The following HTN1 variants were observed in gnomAD, a reference collection of about 807,000 sequenced individuals.
HTN1 encodes the protein histatin-1.
HTN1 carries 18 observed loss-of-function variants against 11.2 expected under a neutral mutation model. The ratio of observed to expected loss-of-function variants is 1.61; its 90% CI spans 1.12 to 2.39. The LOEUF (loss-of-function observed/expected upper bound fraction) is 2.39, where lower values mean the gene tolerates loss of function less well. HTN1 is among the 30% of genes most tolerant of loss of function. HTN1 has a pLI of 0.00. For synonymous variants in HTN1, 21 were observed against 20.5 expected, an observed-to-expected ratio of 1.02 and a Z score of -0.07; for missense variants, 80 against 67.2, an observed-to-expected ratio of 1.19 and a Z score of -0.67.
chr4:70,057,924 T>C (rs1304535972), intron 5 of HTN1: 1 of 152,164 alleles, frequency 6.6e-6, no homozygotes, highest in Non-Finnish European at 1.5e-5. Flanking sequence ...GAATGACTAA[T>C]ATAACATCAA....
chr4:70,054,547 A>G (rs1725986140), intron 4 of HTN1, 97 bp downstream of exon 4: 4 of 795,062 alleles, frequency 5.0e-6, no homozygotes, highest in Admixed American at 5.5e-5. Flanking sequence ...AAATATATCT[A>G]TATCATTAAT....
In HTN1 at chr4:70,055,533, TG is replaced by T; in HGVS notation, c.142del (p.Asp48ThrfsTer19). On this transcript the variant is annotated frameshift_variant, in exon 5 of 6. Transcript: ENST00000246896. LOFTEE classifies it high-confidence loss of function. ...ATTCACATCGAGAATTTCCATTTTA[TG>T]GGGACTATGGATCAAATTATCTATA... ...HHSHREFPFY[G>X]DYGSNYLYDN is the part of the protein sequence containing the mutation. 1 of 1,598,524 alleles carries T rather than the reference TG, an allele frequency of 6.3e-7. No individual in the cohort carries two copies. Among genetic ancestry groups the T allele is most frequent in the Non-Finnish European group, 8.6e-7 (1 of 1,166,608 alleles).
chr4:70,051,475 C>T (rs1247707135), intron 1 of HTN1, among the ~76,000 whole-genome samples: 2 of 151,996 alleles, frequency 1.3e-5, no homozygotes, highest in Admixed American at 6.6e-5. Flanking sequence ...TATCTATGTT[C>T]GTTTATCTAT....
intron 2 of HTN1, 116 bp from the exon 3 acceptor site, chr4:70,054,206 A>G: frequency 1.6e-6 from 1 of 637,744 alleles, no homozygotes; most frequent in Non-Finnish European, 2.6e-6. Flanking sequence ...TCTGTCATCA[A>G]CCAAAGAATG....
chr4:70,052,836 C>T (rs1209632142), intron 1 of HTN1: 1 of 367,094 alleles, frequency 2.7e-6, no homozygotes, highest in Non-Finnish European at 5.0e-6. Flanking sequence ...GGCATGGTGG[C>T]ACACACTTGT....
intron 1 of HTN1, chr4:70,052,793 TAA>T (rs35058239): frequency 3.8e-3 from 832 of 216,414 alleles, no homozygotes; most frequent in Middle Eastern, 8.1e-3. Context: ...CATTCTCTAC[TAA>T]AAAAAAAAAA....
In HTN1 at chr4:70,058,675, G is replaced by C. The variant is rs911829463; in HGVS notation, c.*129G>C. On this transcript the variant is annotated 3_prime_UTR_variant, in exon 6 of 6. Coordinates refer to ENST00000246896, the MANE Select transcript of HTN1 (RefSeq NM_002159.4). Reference sequence around the variant, plus strand: ...TTTGAAGAATTATCATAAGGCAATGGAGAATAAAAGAAAGACCATGATTTA... The same window carrying C: ...TTTGAAGAATTATCATAAGGCAATGCAGAATAAAAGAAAGACCATGATTTA... 5.3e-5 allele frequency: 8 copies of C among 152,142 alleles called. 1 individual carries two copies. The highest frequency in any genetic ancestry group is 1.9e-4 in the African/African-American group (8 of 41,534). 9.4% of individuals were successfully genotyped at this position (152,142 alleles called of 1,614,324 possible).
intron 1 of HTN1, among the ~76,000 whole-genome samples, chr4:70,051,974 G>A (rs1460627812): frequency 3.3e-5 from 5 of 152,096 alleles, no homozygotes; most frequent in Admixed American, 6.6e-5. Context: ...CAATGGAAAT[G>A]CTTTTATTTA....
intron 1 of HTN1, among the ~76,000 whole-genome samples, chr4:70,051,868 A>C (rs1725901988): frequency 6.6e-6 from 1 of 152,168 alleles, no homozygotes; most frequent in African/African-American, 2.4e-5. Flanking sequence ...AGATTAGAAA[A>C]AAATTTTTAA....
rs1388581166 is a variant in HTN1 at position 70,050,489 on chromosome 4, G to A, written c.-20G>A. On this transcript the variant is annotated 5_prime_UTR_variant, in exon 1 of 6. Transcript: ENST00000246896. ...ACTGACTTCTTGACTCTCCTCTTGAGTAAAAGGTAATATGTTCAAGTACAA... is the reference window on the plus strand; with the variant it reads ...ACTGACTTCTTGACTCTCCTCTTGAATAAAAGGTAATATGTTCAAGTACAA... The A allele has an allele frequency of 2.0e-5, 3 of 152,114 alleles. No individual in the cohort carries two copies. Among genetic ancestry groups the A allele is most frequent in the African/African-American group, 7.2e-5 (3 of 41,424 alleles). 9.4% of individuals were successfully genotyped at this position (152,114 alleles called of 1,614,324 possible). A position where few individuals can be genotyped will look rare whatever the true frequency, so the allele number is the denominator to read the frequency against.
At chr4:70,056,256 T>G (rs1482693745) in intron 5 of HTN1, 1 of 151,944 alleles carries the variant, frequency 6.6e-6, no homozygotes, top group Admixed American at 6.6e-5. Flanking sequence ...CCATCTGATA[T>G]TCAACAAACC....
chr4:70,055,314 A>C (rs1394935659), intron 4 of HTN1, among the ~76,000 whole-genome samples, 184 bp from the exon 5 acceptor site: 1 of 152,082 alleles, frequency 6.6e-6, no homozygotes, highest in Non-Finnish European at 1.5e-5. Context: ...TATCATTTTT[A>C]CCTACTTTTA....
chr4:70,053,203 G>A (rs1725944721), intron 2 of HTN1, 76 bp downstream of exon 2: 4 of 947,068 alleles, frequency 4.2e-6, no homozygotes, highest in South Asian at 4.0e-5. Flanking sequence ...CTTGTGTTCT[G>A]GTATATACTC....
chr4:70,055,012 A>C (rs986346978), intron 4 of HTN1, among the ~76,000 whole-genome samples: 5 of 152,104 alleles, frequency 3.3e-5, no homozygotes, highest in Non-Finnish European at 5.9e-5. Flanking sequence ...AAAAAGCACC[A>C]AGTAAAAAGA....
intron 5 of HTN1, chr4:70,057,675 C>T (rs1726077792): frequency 6.6e-6 from 1 of 152,008 alleles, no homozygotes; most frequent in Non-Finnish European, 1.5e-5. Context: ...TATTATAATA[C>T]TACTTAAGCT....
intron 2 of HTN1, among the ~76,000 whole-genome samples, chr4:70,053,555 G>A (rs1291702968): frequency 6.6e-6 from 1 of 152,108 alleles, no homozygotes; most frequent in Non-Finnish European, 1.5e-5. Context: ...TACTCTTAAA[G>A]TCAGCATACA....
rs149839525 is a variant in HTN1 at position 70,054,945 on chromosome 4, T to A, written c.102+495T>A. On this transcript the variant is annotated intron_variant, in intron 4 of 5. Coordinates refer to ENST00000246896, the MANE Select transcript of HTN1 (RefSeq NM_002159.4). ...TCTCATGTTATTTTGACCTGTAATA[T>A]CAATATGAATCTGGGTTCTAAAGTT... Among the ~76,000 whole-genome samples the A allele has an allele frequency of 1.0e-3, 156 of 152,132 alleles. 2 individuals are homozygous for A. In the East Asian group the frequency reaches 0.023, roughly 22 times the overall value.
intron 5 of HTN1, chr4:70,056,256 T>A (rs1482693745): frequency 1.3e-5 from 2 of 151,944 alleles, no homozygotes; most frequent in African/African-American, 4.8e-5. Flanking sequence ...CCATCTGATA[T>A]TCAACAAACC....
chr4:70,055,514 A>G lies in HTN1; in HGVS notation c.119A>G (p.His40Arg), dbSNP rs1383573069. 3 of 1,597,384 alleles carry G rather than the reference A, an allele frequency of 1.9e-6. No homozygotes were observed. Among genetic ancestry groups the G allele is most frequent in the Admixed American group, 1.7e-5 (1 of 59,836 alleles). The change falls in exon 5 of 6, where the codon CAT becomes CGT. Residue 40 changes from histidine to arginine, a missense_variant. By Grantham distance (29) the His-to-Arg change is conservative. Transcript: ENST00000246896. Reference protein sequence around the residue: ...RRKFHEKHHSHREFPFYGDYG... With the variant: ...RRKFHEKHHSRREFPFYGDYG... ...TGTATGCAGGAAAAGCATCATTCAC[A>G]TCGAGAATTTCCATTTTATGGGGAC...
Sources: gnomAD v4.1 joint callset for allele counts (sites outside exome capture counted in the v4.1 genomes callset) on GRCh38, gnomAD v4.1.1 for gene constraint, MANE v1.5 for transcripts, NCBI Gene and HGNC (gene_info 2026-07-23, HGNC 2026-07-21) for gene names.